The following PLD1 variants were observed in gnomAD, a reference collection of about 807,000 sequenced individuals.
The protein encoded by PLD1 is phospholipase D1, also known as choline phosphatase 1.
A neutral mutation model predicts 137.1 loss-of-function variants in PLD1; 112 were observed. The observed-to-expected ratio is 0.82, with a 90% confidence interval of 0.70 to 0.96. The LOEUF (loss-of-function observed/expected upper bound fraction) is 0.96, where lower values mean the gene tolerates loss of function less well. Ranked by LOEUF, PLD1 falls within the 40% of genes least tolerant of loss-of-function variation. The pLI, the probability that PLD1 is intolerant of heterozygous loss-of-function variation, is 0.00. For missense variants in PLD1, 1,321 were observed against 1,342.0 expected (o/e 0.98, Z 0.24); for synonymous variants, 431 against 454.7 (o/e 0.95, Z 0.66).
intron 19 of PLD1, among the ~76,000 whole-genome samples, chr3:171,663,098 C>A (rs1711689769): frequency 6.6e-6 from 1 of 152,240 alleles, no homozygotes; most frequent in Non-Finnish European, 1.5e-5. Context: ...AAATACCCCA[C>A]TGGCCAGGGG....
chr3:171,724,312 T>A (rs943251075), intron 8 of PLD1, among the ~76,000 whole-genome samples: 3 of 152,242 alleles, frequency 2.0e-5, no homozygotes, highest in Non-Finnish European at 4.4e-5. Flanking sequence ...CCACCATTTG[T>A]TATTGTCCAT....
intron 13 of PLD1, among the ~76,000 whole-genome samples, chr3:171,691,468 A>C (rs548131917): frequency 6.6e-6 from 1 of 152,008 alleles, no homozygotes; most frequent in Admixed American, 6.6e-5. Context: ...CTTTTTGTTA[A>C]ATAGCTATAT....
At chr3:171,687,923 A>G (rs1005018517) in intron 14 of PLD1, among the ~76,000 whole-genome samples, 10 of 152,220 alleles carry the variant, frequency 6.6e-5, no homozygotes, top group Admixed American at 6.5e-4. Context: ...TAAGTAAGCA[A>G]GGCTTCCTCT....
At chr3:171,625,172 G>T (rs943745376) in intron 23 of PLD1, among the ~76,000 whole-genome samples, 42 of 152,172 alleles carry the variant, frequency 2.8e-4, no homozygotes, top group African/African-American at 9.4e-4. Flanking sequence ...TTTCCAACAG[G>T]CTTAAAAAAT....
chr3:171,761,383 C>T lies in PLD1; in HGVS notation c.-31-23301G>A, dbSNP rs187318231. Among the ~76,000 whole-genome samples the T allele has an allele frequency of 2.0e-5, 3 of 152,296 alleles. No homozygotes were observed. In the East Asian group the frequency reaches 5.8e-4, roughly 29 times the overall value. ...CAGCCCCTGAGTTTCCTAGAGCCAG[C>T]ACTCTCCAGGAGAGCCTCCTTGGTC... On this transcript the variant is annotated intron_variant, in intron 1 of 26. Coordinates refer to ENST00000351298, the MANE Select transcript of PLD1 (RefSeq NM_002662.5).
Position 171,764,950 on chromosome 3 carries a change from GAAAGAAA to G in PLD1, c.-31-26875_-31-26869del, listed in dbSNP as rs1560289603. Among the ~76,000 whole-genome samples, 5 of 38,410 alleles carry G rather than the reference GAAAGAAA, an allele frequency of 1.3e-4. 2 individuals carry two copies. Among genetic ancestry groups the G allele is most frequent in the East Asian group, 5.8e-4 (1 of 1,738 alleles). The allele number at this position is 38,410 out of a possible 152,430, so 25.2% of individuals were successfully genotyped here. Reference sequence around the variant, plus strand: ...GAAAGAAAGGAAAGAAAGAAAGAAAGAAAGAAAGAAAGAAAGAAAGAAAGAAAGAAAG... The same window carrying G: ...GAAAGAAAGGAAAGAAAGAAAGAAAGGAAAGAAAGAAAGAAAGAAAGAAAG... On this transcript the variant is annotated intron_variant, in intron 1 of 26. Coordinates refer to ENST00000351298, the MANE Select transcript of PLD1 (RefSeq NM_002662.5).
In PLD1 at chr3:171,731,963, G is replaced by C. The variant is rs138929237; in HGVS notation, c.606+1481C>G. Among the ~76,000 whole-genome samples, 667 of 152,182 alleles carry C rather than the reference G, an allele frequency of 4.4e-3. 2 individuals are homozygous for C. Among genetic ancestry groups the C allele is most frequent in the African/African-American group, 0.015 (643 of 41,510 alleles). ...ACTTTTTAAATCTAAACATTCTTTA[G>C]TCAACAGTAGAATCCCAAATGTAGA... On this transcript the variant is annotated intron_variant, in intron 6 of 26. Coordinates refer to ENST00000351298, the MANE Select transcript of PLD1 (RefSeq NM_002662.5).
chr3:171,779,430 A>AT (rs1337654153), intron 1 of PLD1, among the ~76,000 whole-genome samples: 1 of 152,216 alleles, frequency 6.6e-6, no homozygotes, highest in Non-Finnish European at 1.5e-5. Flanking sequence ...AAGTCTAATT[A>AT]TTCAGCTGAG....
chr3:171,650,472 C>T (rs6788739), intron 21 of PLD1, among the ~76,000 whole-genome samples: 4,440 of 152,230 alleles, frequency 0.029, 161 homozygotes, highest in African/African-American at 0.085. Context: ...AGATCAACAT[C>T]AGTGTCTGGA....
At chr3:171,634,421 T>A (rs1315672354) in intron 23 of PLD1, among the ~76,000 whole-genome samples, 1 of 152,310 alleles carries the variant, frequency 6.6e-6, no homozygotes, top group East Asian at 1.9e-4. Context: ...TTTTATTTTA[T>A]CGATATATCT....
chr3:171,669,550 C>T (rs537166032), intron 19 of PLD1, among the ~76,000 whole-genome samples: 13 of 152,304 alleles, frequency 8.5e-5, no homozygotes, highest in African/African-American at 2.6e-4. Context: ...TACAGGCATG[C>T]GCCATAACGC....
At chr3:171,709,182 A>G (rs887987646) in intron 10 of PLD1, among the ~76,000 whole-genome samples, 1 of 152,250 alleles carries the variant, frequency 6.6e-6, no homozygotes, top group Non-Finnish European at 1.5e-5. Flanking sequence ...CTAGCTTCCA[A>G]TCCACGGGTA....
intron 1 of PLD1, among the ~76,000 whole-genome samples, chr3:171,750,956 G>T (rs1339504645): frequency 6.6e-6 from 1 of 151,812 alleles, no homozygotes; most frequent in Non-Finnish European, 1.5e-5. Flanking sequence ...TACATTATTG[G>T]CACAGAAATA....
At position 171,724,748 on chromosome 3, in the gene PLD1, G is replaced by C; in HGVS notation, c.706C>G (p.Pro236Ala). 3 of 1,610,742 alleles carry C rather than the reference G, an allele frequency of 1.9e-6. No homozygotes were observed. The highest frequency in any genetic ancestry group is 2.5e-6 in the Non-Finnish European group (3 of 1,177,774). Residue 236 changes from proline (P) to alanine (A), a missense_variant, in exon 8 of 27, where the codon CCA (proline) becomes GCA (alanine). Transcript: ENST00000351298. ...CCCTGACCACAGCAATTCAAGCCTG[G>C]TATTCTGTGTCCTCCAGATCTTTTC... ...IMKRSGGHRI[P>A]GLNCCGQGRA...
chr3:171,749,529 G>A (rs1042015183), intron 1 of PLD1, among the ~76,000 whole-genome samples: 15 of 152,192 alleles, frequency 9.9e-5, no homozygotes, highest in South Asian at 6.2e-4. Flanking sequence ...AATTGAGGTA[G>A]TGCTTTTATT....
At chr3:171,745,655 G>T (rs1364205843) in intron 1 of PLD1, among the ~76,000 whole-genome samples, 3 of 152,248 alleles carry the variant, frequency 2.0e-5, no homozygotes, top group East Asian at 1.9e-4. Flanking sequence ...TGCTTCCTCA[G>T]GAGTTGTACA....
chr3:171,649,792 A>C (rs1468499370), intron 21 of PLD1, among the ~76,000 whole-genome samples: 1 of 152,222 alleles, frequency 6.6e-6, no homozygotes, highest in East Asian at 1.9e-4. Context: ...CTCTTATGGC[A>C]GTGCTACGTA....
At chr3:171,654,240 T>C in intron 21 of PLD1, 1 of 293,488 alleles carries the variant, frequency 3.4e-6, no homozygotes, top group Non-Finnish European at 6.8e-6. Flanking sequence ...GAGATGGAGG[T>C]TGCAGTAAGC....
chr3:171,741,640 C>T (rs1347429954), intron 1 of PLD1, among the ~76,000 whole-genome samples: 6 of 152,244 alleles, frequency 3.9e-5, no homozygotes, highest in African/African-American at 1.2e-4. Context: ...ATAAGAGCAG[C>T]TGTGTTTTAT....
Sources: allele counts gnomAD v4.1 joint callset (sites outside exome capture counted in the v4.1 genomes callset), GRCh38; gene constraint gnomAD v4.1.1; transcripts MANE v1.5; gene names NCBI Gene and HGNC (gene_info 2026-07-23, HGNC 2026-07-21).